COPB2: variants seen among roughly 807,000 people sequenced by gnomAD.
COPB2 encodes coat protein complex I subunit beta 2, also known as coatomer subunit beta'.
A neutral mutation model predicts 120.8 loss-of-function variants in COPB2; 16 were observed. The observed-to-expected ratio is 0.13, with a 90% CI of 0.09 to 0.20. The LOEUF (loss-of-function observed/expected upper bound fraction) is 0.20, where lower values mean the gene tolerates loss of function less well. Among genes scored for constraint, COPB2 ranks in the 10% least tolerant of loss-of-function variants. The pLI is 1.00. For synonymous variants in COPB2, 332 were observed against 366.3 expected (o/e 0.91, Z 1.07); for missense variants, 794 against 1,076.5 (o/e 0.74, Z 3.67).
chr3:139,375,621 A>C lies in COPB2; in HGVS notation c.505-7T>G, dbSNP rs745783327. The stretch of plus-strand genomic sequence containing the variant: ...AAGAGCCCAACTGCCACACCTGCAG[A>C]GAGAAACAGCATCGGCCAGTCAATA... On this transcript the variant is annotated splice_polypyrimidine_tract_variant and splice_region_variant and intron_variant, in intron 5 of 21. Coordinates refer to ENST00000333188, the MANE Select transcript of COPB2 (RefSeq NM_004766.3). 1.2e-6 allele frequency: 2 copies of C among 1,613,230 alleles called. No homozygotes were observed. Among genetic ancestry groups the C allele is most frequent in the Non-Finnish European group, 1.7e-6 (2 of 1,179,412 alleles).
chr3:139,369,396 T>A, intron 11 of COPB2, 29 bp from the exon 12 acceptor site: 1 of 1,607,688 alleles, frequency 6.2e-7, no homozygotes, highest in South Asian at 1.1e-5. Flanking sequence ...GAGTTTTGCT[T>A]AGGCATTTTT....
At chr3:139,374,344 T>C in intron 7 of COPB2, 145 bp downstream of exon 7, 3 of 619,114 alleles carry the variant, frequency 4.8e-6, no homozygotes, top group Non-Finnish European at 8.7e-6. Context: ...TAATGCCCCT[T>C]TACTCTTTTA....
intron 14 of COPB2, 102 bp downstream of exon 14, chr3:139,366,913 C>G (rs1256891731): frequency 6.7e-7 from 1 of 1,503,098 alleles, no homozygotes; most frequent in East Asian, 2.3e-5. Context: ...CCTACTAAAA[C>G]TATAACACTG....
At chr3:139,385,385 G>A (rs1255329016) in intron 1 of COPB2, 2 of 152,186 alleles carry the variant, frequency 1.3e-5, no homozygotes, top group African/African-American at 2.4e-5. Context: ...CAGGTCAATA[G>A]TGTCATATCA....
At position 139,362,474 on chromosome 3, in the gene COPB2, T is replaced by C; in HGVS notation, c.1928A>G (p.His643Arg). 1 of 1,612,902 alleles carries C rather than the reference T, an allele frequency of 6.2e-7. No individual in the cohort carries two copies. Among genetic ancestry groups the C allele is most frequent in the Non-Finnish European group, 8.5e-7 (1 of 1,179,474 alleles). Residue 643 changes from histidine (H) to arginine (R), a missense_variant, in exon 16 of 22, where the codon CAT (histidine) becomes CGT (arginine). Coordinates refer to ENST00000333188, the MANE Select transcript of COPB2 (RefSeq NM_004766.3). The part of the protein sequence containing the change: ...QALTVSTDPE[H>R]RFELALQLGE... The stretch of plus-strand genomic sequence containing the variant: ...AAGCTGAAGAGCAAGCTCAAAACGA[T>C]GCTCAGGATCTGTGGATACTGTAAG...
chr3:139,366,238 G>A (rs1941513227), intron 15 of COPB2, among the ~76,000 whole-genome samples: 1 of 149,590 alleles, frequency 6.7e-6, no homozygotes. Flanking sequence ...CATTTTATAT[G>A]TATTTTAATC....
chr3:139,368,942 T>C (rs1458322788), intron 12 of COPB2, among the ~76,000 whole-genome samples: 1 of 152,222 alleles, frequency 6.6e-6, no homozygotes, highest in Admixed American at 6.5e-5. Context: ...TTCTGAACTA[T>C]GTGGAAGAAG....
At chr3:139,379,873 T>G (rs184762673) in intron 2 of COPB2, 1 of 178,826 alleles carries the variant, frequency 5.6e-6, no homozygotes, top group Admixed American at 5.8e-5. Flanking sequence ...CAATCTTTCC[T>G]GCTAAGCTCT....
intron 2 of COPB2, chr3:139,380,689 G>A (rs758640485): frequency 2.0e-5 from 3 of 152,096 alleles, no homozygotes; most frequent in African/African-American, 4.8e-5. Flanking sequence ...AATAGGGACC[G>A]GTTCATAAGA....
In COPB2 at chr3:139,358,202, T is replaced by C; in HGVS notation, c.2623A>G (p.Lys875Glu). The change falls in exon 21 of 22, where the codon AAG becomes GAG. Residue 875 changes from lysine to glutamate, a missense_variant and splice_region_variant. This residue lies in a region of COPB2 where 178 missense variants were observed against 183.2 expected (regional missense o/e 0.97). Transcript: ENST00000333188. ...VASHTANKEEKSLLELEVDLD... is the reference protein window; with the variant it reads ...VASHTANKEEESLLELEVDLD... ...TTTGAGTATGATGTCTGACCTACCT[T>C]TTCTTCTTTGTTGGCTGTGTGGGAG... The C allele has an allele frequency of 6.2e-7, 1 of 1,614,056 alleles. No homozygotes were observed.
chr3:139,368,398 G>T, intron 12 of COPB2, 110 bp from the exon 13 acceptor site: 1 of 1,115,044 alleles, frequency 9.0e-7, no homozygotes, highest in Non-Finnish European at 1.3e-6. Context: ...AAGATGATAA[G>T]TATTCACTTA....
chr3:139,367,097 C>T lies in COPB2; in HGVS notation c.1594G>A (p.Asp532Asn), dbSNP rs1250342666. Residue 532 changes from aspartate to asparagine, a missense_variant, in exon 14 of 22, where the codon GAT (aspartate) becomes AAT (asparagine). Coordinates refer to ENST00000333188, the MANE Select transcript of COPB2 (RefSeq NM_004766.3). ...EIVKTGLWVGDCFIYTSSVNR... is the reference protein window; with the variant it reads ...EIVKTGLWVGNCFIYTSSVNR... ...ACAGAACTTGTGTAAATGAAGCAATCGCCTACCCAAAGCCCTGTTTTCACA... is the reference window on the plus strand; with the variant it reads ...ACAGAACTTGTGTAAATGAAGCAATTGCCTACCCAAAGCCCTGTTTTCACA... 2.5e-6 allele frequency: 4 copies of T among 1,613,844 alleles called. No homozygotes were observed. The highest frequency in any genetic ancestry group is 3.4e-6 in the Non-Finnish European group (4 of 1,179,894).
In COPB2 at chr3:139,366,946, C is replaced by A; in HGVS notation, c.1676+69G>T. 3.2e-6 allele frequency: 5 copies of A among 1,554,380 alleles called. No homozygotes were observed. In the South Asian group the frequency reaches 4.8e-5, roughly 15 times the overall value. ...CTGAAAAATCAGCCTATCATTGCTACAAGCCAGCAACAGATTTTTCTAAAC... is the reference window on the plus strand; with the variant it reads ...CTGAAAAATCAGCCTATCATTGCTAAAAGCCAGCAACAGATTTTTCTAAAC... On this transcript the variant is annotated intron_variant, in intron 14 of 21. Transcript: ENST00000333188.
In COPB2 at chr3:139,358,758, A is replaced by T; in HGVS notation, c.2539T>A (p.Ser847Thr). 1 of 1,612,254 alleles carries T rather than the reference A, an allele frequency of 6.2e-7. No individual in the cohort carries two copies. Among genetic ancestry groups the T allele is most frequent in the Non-Finnish European group, 8.5e-7 (1 of 1,178,520 alleles). ...EEGKDFQPSR[S>T]TAQQELDGKP... ...GCTCTACTGACCTGTTGAGCTGTAG[A>T]TCTTGAGGGCTGAAAGTCTTTTCCC... The change falls in exon 20 of 22, where the codon TCT becomes ACT. Residue 847 changes from serine (S) to threonine (T), a missense_variant. Coordinates refer to ENST00000333188, the MANE Select transcript of COPB2 (RefSeq NM_004766.3).
intron 5 of COPB2, 143 bp downstream of exon 5, chr3:139,377,898 T>C: frequency 1.5e-6 from 1 of 684,804 alleles, no homozygotes; most frequent in Non-Finnish European, 2.1e-6. Context: ...TGGATTAAAA[T>C]GAGAAATCCT....
intron 2 of COPB2, 108 bp downstream of exon 2, chr3:139,383,190 G>C (rs1455441373): frequency 2.4e-6 from 3 of 1,255,772 alleles, no homozygotes; most frequent in Non-Finnish European, 3.4e-6. Context: ...ACTTGAGAAA[G>C]CAGTTTGCAT....
At chr3:139,366,259 A>T (rs959426969) in intron 15 of COPB2, among the ~76,000 whole-genome samples, 10 of 150,376 alleles carry the variant, frequency 6.7e-5, no homozygotes, top group African/African-American at 1.2e-4. Context: ...ATTTTTTTTT[A>T]AAAAGCAGAT....
intron 5 of COPB2, among the ~76,000 whole-genome samples, chr3:139,376,643 C>T (rs1941716487): frequency 1.3e-5 from 2 of 152,150 alleles, no homozygotes; most frequent in South Asian, 4.1e-4. Context: ...TAACATTTTA[C>T]ATAAAGGAAA....
chr3:139,360,664 CAAGT>C, intron 17 of COPB2, among the ~76,000 whole-genome samples: 1 of 152,122 alleles, frequency 6.6e-6, no homozygotes, highest in African/African-American at 2.4e-5. Flanking sequence ...CTCAAATCTA[CAAGT>C]AAGTGGCATA....
Sources: gnomAD v4.1 joint callset for allele counts (sites outside exome capture counted in the v4.1 genomes callset) on GRCh38, gnomAD v4.1.1 for gene constraint, gnomAD v4.1.1 regional missense constraint, MANE v1.5 for transcripts, NCBI Gene and HGNC (gene_info 2026-07-23, HGNC 2026-07-21) for gene names.